The following AKAP6 variants were observed in gnomAD, a reference collection of about 807,000 sequenced individuals.
AKAP6 encodes A-kinase anchor protein 6.
In AKAP6, 58 loss-of-function variants were observed where a neutral mutation model predicts 188.5. That is an observed-to-expected ratio of 0.31 (90% CI 0.25 to 0.38). The LOEUF (loss-of-function observed/expected upper bound fraction) is 0.38, where lower values mean the gene tolerates loss of function less well. Among genes scored for constraint, AKAP6 ranks in the 10% least tolerant of loss-of-function variants. The pLI is 1.00. For missense variants in AKAP6, 2,710 were observed against 2,740.0 expected, an observed-to-expected ratio of 0.99 and a Z score of 0.24; for synonymous variants, 989 against 998.6, an observed-to-expected ratio of 0.99 and a Z score of 0.18.
intron 12 of AKAP6, among the ~76,000 whole-genome samples, chr14:32,776,327 A>G (rs1409348623): frequency 1.3e-5 from 2 of 152,156 alleles, no homozygotes; most frequent in African/African-American, 2.4e-5. Context: ...GTAGTGAATA[A>G]GTCTCACTAG....
At chr14:32,542,845 AC>A (rs1256208967) in intron 3 of AKAP6, among the ~76,000 whole-genome samples, 6 of 152,194 alleles carry the variant, frequency 3.9e-5, no homozygotes, top group African/African-American at 1.4e-4. Context: ...TCAGTCATAT[AC>A]TTGGAAGATC....
intron 4 of AKAP6, among the ~76,000 whole-genome samples, chr14:32,548,114 T>TCC (rs1355305850): frequency 1.5e-5 from 2 of 130,312 alleles, no homozygotes; most frequent in African/African-American, 5.5e-5. Context: ...TTTTTTTTTT[T>TCC]CCTCTGAGCA....
chr14:32,521,496 A>G (rs1881830319), intron 2 of AKAP6, among the ~76,000 whole-genome samples: 1 of 152,230 alleles, frequency 6.6e-6, no homozygotes, highest in African/African-American at 2.4e-5. Flanking sequence ...AAGTCTCAGG[A>G]TACAAAATCA....
chr14:32,360,712 A>AGAGTGTGT (rs1555321255), intron 1 of AKAP6, among the ~76,000 whole-genome samples: 2 of 136,124 alleles, frequency 1.5e-5, no homozygotes, highest in East Asian at 2.3e-4. Flanking sequence ...TTGGCCATTG[A>AGAGTGTGT]GTGTGTGTGT....
At chr14:32,798,057 C>T (rs952463766) in intron 12 of AKAP6, among the ~76,000 whole-genome samples, 1 of 151,544 alleles carries the variant, frequency 6.6e-6, no homozygotes, top group Non-Finnish European at 1.5e-5. Context: ...AAATAACAAA[C>T]AACCCCCTTT....
intron 2 of AKAP6, among the ~76,000 whole-genome samples, chr14:32,524,210 C>T (rs1043717291): frequency 1.3e-5 from 2 of 151,640 alleles, no homozygotes; most frequent in East Asian, 1.9e-4. Context: ...AAAAACTGGG[C>T]AAAAGTAAAT....
chr14:32,776,127 A>G (rs1488137051), intron 12 of AKAP6, among the ~76,000 whole-genome samples: 1 of 152,196 alleles, frequency 6.6e-6, no homozygotes, highest in Non-Finnish European at 1.5e-5. Flanking sequence ...CTCTTCAGTT[A>G]TCATATGTCC....
intron 7 of AKAP6, among the ~76,000 whole-genome samples, chr14:32,673,328 A>G (rs181625084): frequency 4.6e-5 from 7 of 152,174 alleles, no homozygotes; most frequent in Non-Finnish European, 8.8e-5. Context: ...TCTCTCTTCT[A>G]CCACACTGCG....
chr14:32,671,057 T>TA (rs545008391), intron 7 of AKAP6, among the ~76,000 whole-genome samples: 7 of 151,694 alleles, frequency 4.6e-5, no homozygotes, highest in South Asian at 4.2e-4. Context: ...ATGGACAATA[T>TA]AAAAAAAAGT....
intron 1 of AKAP6, among the ~76,000 whole-genome samples, chr14:32,406,441 C>T (rs899308991): frequency 6.6e-6 from 1 of 152,132 alleles, no homozygotes; most frequent in Admixed American, 6.5e-5. Context: ...GGCTCCTGAC[C>T]TCGTGATCTG....
At position 32,532,937 on chromosome 14, in the gene AKAP6, G is replaced by A. The variant is rs550354729; in HGVS notation, c.325-2617G>A. On this transcript the variant is annotated intron_variant, in intron 2 of 13. Transcript: ENST00000280979. ...CTGGTGGCATGGATGAGGCTGAAGA[G>A]CACCTGTAGTGGGAGACAGGAGTGA... 3.9e-4 allele frequency among the ~76,000 whole-genome samples: 59 copies of A among 152,302 alleles called. 1 individual carries two copies. The South Asian group carries it at 0.012, about 31-fold the overall frequency.
chr14:32,553,172 T>C (rs1594738343), intron 4 of AKAP6, among the ~76,000 whole-genome samples: 1 of 150,196 alleles, frequency 6.7e-6, no homozygotes, highest in Non-Finnish European at 1.5e-5. Context: ...CTTTTCTTTT[T>C]TTTTTTTTGA....
intron 5 of AKAP6, among the ~76,000 whole-genome samples, chr14:32,590,366 G>A (rs532591084): frequency 1.3e-5 from 2 of 152,052 alleles, no homozygotes; most frequent in Admixed American, 6.5e-5. Flanking sequence ...CGGGCACAGT[G>A]GCTCACAGTG....
At chr14:32,752,547 G>A (rs1014435665) in intron 11 of AKAP6, among the ~76,000 whole-genome samples, 1 of 152,120 alleles carries the variant, frequency 6.6e-6, no homozygotes, top group Admixed American at 6.5e-5. Flanking sequence ...ACATTGTGAT[G>A]TTTTGATATA....
intron 8 of AKAP6, among the ~76,000 whole-genome samples, chr14:32,683,544 T>C: frequency 6.6e-6 from 1 of 152,152 alleles, no homozygotes; most frequent in Non-Finnish European, 1.5e-5. Flanking sequence ...ATCCAGCATG[T>C]GATATTTATT....
intron 12 of AKAP6, among the ~76,000 whole-genome samples, chr14:32,793,487 A>G (rs1370484807): frequency 6.6e-6 from 1 of 152,190 alleles, no homozygotes; most frequent in Admixed American, 6.5e-5. Flanking sequence ...TATCCTAAAT[A>G]TATATGCACC....
intron 1 of AKAP6, among the ~76,000 whole-genome samples, chr14:32,348,310 CGTA>C (rs1566456104): frequency 6.6e-6 from 1 of 151,680 alleles, no homozygotes; most frequent in African/African-American, 2.4e-5. Flanking sequence ...AGATACTGGG[CGTA>C]AAAAGCAGGA....
chr14:32,658,846 C>T (rs1393657513), intron 7 of AKAP6, among the ~76,000 whole-genome samples: 1 of 151,114 alleles, frequency 6.6e-6, no homozygotes, highest in Non-Finnish European at 1.5e-5. Flanking sequence ...GTTTACTCAC[C>T]AAGACCCAGT....
intron 2 of AKAP6, among the ~76,000 whole-genome samples, chr14:32,466,198 C>T (rs987915093): frequency 3.9e-5 from 6 of 152,178 alleles, no homozygotes; most frequent in South Asian, 2.1e-4. Flanking sequence ...ACCAGAAATA[C>T]TATTTGACCC....
Sources: gnomAD v4.1 joint callset for allele counts (sites outside exome capture counted in the v4.1 genomes callset) on GRCh38, gnomAD v4.1.1 for gene constraint, MANE v1.5 for transcripts, NCBI Gene and HGNC (gene_info 2026-07-23, HGNC 2026-07-21) for gene names.